Variants in WWC2 observed in about 807,000 individuals in gnomAD.
WWC2 encodes the protein protein WWC2.
Under a neutral mutation model 138.5 loss-of-function variants are expected in WWC2, and 101 were observed. That is an observed-to-expected ratio of 0.73 (90% confidence interval 0.62 to 0.86). The LOEUF is 0.86. Among genes scored for constraint, WWC2 ranks in the 40% least tolerant of loss-of-function variants. The pLI is 0.00. For missense variants in WWC2, 1,420 were observed against 1,419.4 expected (o/e 1.00, Z -0.01); for synonymous variants, 558 against 538.4 (o/e 1.04, Z -0.50).
At chr4:183,197,154 C>CA (rs1174045531) in intron 2 of WWC2, among the ~76,000 whole-genome samples, 2 of 151,998 alleles carry the variant, frequency 1.3e-5, no homozygotes, top group Admixed American at 6.6e-5. Flanking sequence ...AATTATGTGT[C>CA]AAAAAACACC....
Position 183,208,099 on chromosome 4 carries a change from G to T in WWC2, c.388G>T (p.Asp130Tyr). The T allele has an allele frequency of 6.2e-7, 1 of 1,613,824 alleles. No homozygotes were observed. The highest frequency in any genetic ancestry group is 1.1e-5 in the South Asian group (1 of 91,072). ...GGAGCAGAGGCTGGCGCTGGCCCTGGATGAATACGTGCGATTAAATGATGC... is the reference window on the plus strand; with the variant it reads ...GGAGCAGAGGCTGGCGCTGGCCCTGTATGAATACGTGCGATTAAATGATGC... ...VKEQRLALALDEYVRLNDAYK... is the reference protein window; with the variant it reads ...VKEQRLALALYEYVRLNDAYK... Residue 130 changes from aspartate to tyrosine, a missense_variant, in exon 3 of 23, where the codon GAT becomes TAT. Transcript: ENST00000403733.
intron 4 of WWC2, among the ~76,000 whole-genome samples, chr4:183,230,246 G>A (rs968517175): frequency 6.6e-6 from 1 of 152,028 alleles, no homozygotes; most frequent in Non-Finnish European, 1.5e-5. Flanking sequence ...TTAGTTAATA[G>A]TATAGAATGA....
chr4:183,155,452 T>A (rs566214563), intron 1 of WWC2, among the ~76,000 whole-genome samples: 3 of 152,252 alleles, frequency 2.0e-5, no homozygotes, highest in South Asian at 4.1e-4. Context: ...AAATATCTTT[T>A]GAAGGGTTTT....
chr4:183,132,476 C>T (rs1406131338), intron 1 of WWC2, among the ~76,000 whole-genome samples: 2 of 147,296 alleles, frequency 1.4e-5, no homozygotes, highest in Admixed American at 6.8e-5. Context: ...TTTTTTGAGA[C>T]GGAGTCTCGC....
rs1739485553 is a variant in WWC2 at position 183,317,642 on chromosome 4, C to CA, written c.*1913_*1914insA. 1 of 152,486 alleles carries CA rather than the reference C, an allele frequency of 6.6e-6. No homozygotes were observed. Among genetic ancestry groups the CA allele is most frequent in the African/African-American group, 2.4e-5 (1 of 41,394 alleles). 9.4% of individuals were successfully genotyped at this position (152,486 alleles called of 1,614,324 possible). A position where few individuals can be genotyped will look rare whatever the true frequency, so the allele number is the denominator to read the frequency against. On this transcript the variant is annotated 3_prime_UTR_variant, in exon 23 of 23. Transcript: ENST00000403733. ...TAGTTGTTCCGTACGATTTTATTTT[C>CA]TTCATTTATTTATTTACAGTCTTAT... is the stretch of plus-strand genomic sequence containing the variant.
intron 1 of WWC2, among the ~76,000 whole-genome samples, chr4:183,157,159 TC>T (rs1276148552): frequency 1.3e-5 from 2 of 152,196 alleles, no homozygotes; most frequent in African/African-American, 4.8e-5. Flanking sequence ...GTCTTTTTGT[TC>T]CCCTTTAATC....
intron 5 of WWC2, among the ~76,000 whole-genome samples, chr4:183,242,903 A>T (rs1394346782): frequency 6.6e-6 from 1 of 152,220 alleles, no homozygotes; most frequent in Non-Finnish European, 1.5e-5. Context: ...AAAGGTGGGA[A>T]ATGAAAAGTG....
intron 1 of WWC2, among the ~76,000 whole-genome samples, chr4:183,152,054 C>T (rs1335726204): frequency 6.6e-6 from 1 of 152,184 alleles, no homozygotes; most frequent in East Asian, 1.9e-4. Flanking sequence ...TGTGGAGAAA[C>T]ATTGCTTGTC....
chr4:183,180,392 T>C (rs1734593360), intron 1 of WWC2, among the ~76,000 whole-genome samples: 1 of 152,314 alleles, frequency 6.6e-6, no homozygotes, highest in Non-Finnish European at 1.5e-5. Context: ...TGACGTTTCT[T>C]TCTTCTTAGA....
At chr4:183,286,285 G>T (rs552036187) in intron 20 of WWC2, among the ~76,000 whole-genome samples, 1 of 152,148 alleles carries the variant, frequency 6.6e-6, no homozygotes, top group South Asian at 2.1e-4. Context: ...GATGGTTAAG[G>T]CTGGAAATGC....
At chr4:183,289,789 C>CTT in intron 21 of WWC2, among the ~76,000 whole-genome samples, 154 bp downstream of exon 21, 1 of 140,456 alleles carries the variant, frequency 7.1e-6, no homozygotes, top group East Asian at 2.0e-4. Flanking sequence ...GTTATAGGCC[C>CTT]TTTTTTTTTT....
intron 1 of WWC2, among the ~76,000 whole-genome samples, chr4:183,188,580 T>TTCTATCTAATATGATCTCTCCCTC: frequency 6.6e-6 from 1 of 151,858 alleles, no homozygotes. Context: ...TTTCTAGAAA[T>TTCTATCTAATATGATCTCTCCCTC]TCTATCTAAT....
chr4:183,207,679 A>G (rs901332062), intron 2 of WWC2, among the ~76,000 whole-genome samples: 1 of 152,142 alleles, frequency 6.6e-6, no homozygotes, highest in Admixed American at 6.6e-5. Context: ...TTCTGTAGGC[A>G]CTGGGGAGCC....
intron 21 of WWC2, among the ~76,000 whole-genome samples, chr4:183,290,952 G>A (rs1738431217): frequency 6.6e-6 from 1 of 152,182 alleles, no homozygotes; most frequent in South Asian, 2.1e-4. Flanking sequence ...TGAATTTCAA[G>A]AATCAAACTG....
chr4:183,316,723 A>G lies in WWC2; in HGVS notation c.*994A>G, dbSNP rs1186084888. 6.6e-6 allele frequency: 1 copy of G among 152,206 alleles called. No individual in the cohort carries two copies. Among genetic ancestry groups the G allele is most frequent in the Non-Finnish European group, 1.5e-5 (1 of 68,050 alleles). 9.4% of individuals were successfully genotyped at this position (152,206 alleles called of 1,614,324 possible). A position where few individuals can be genotyped will look rare whatever the true frequency, so the allele number is the denominator to read the frequency against. ...TGATAGAATCAAAGTTGCCAAAAAC[A>G]AAGAAGAGTTTATCAAGCAGATTTC... On this transcript the variant is annotated 3_prime_UTR_variant, in exon 23 of 23. Transcript: ENST00000403733.
chr4:183,107,928 C>T (rs1007593716), intron 1 of WWC2, among the ~76,000 whole-genome samples: 3 of 151,830 alleles, frequency 2.0e-5, no homozygotes, highest in African/African-American at 7.3e-5. Context: ...CTCTATATTC[C>T]TATATTTCAG....
intron 2 of WWC2, among the ~76,000 whole-genome samples, chr4:183,203,102 G>A (rs1580053638): frequency 6.6e-6 from 1 of 151,676 alleles, no homozygotes; most frequent in East Asian, 1.9e-4. Flanking sequence ...TTAACTACTG[G>A]GATATTACAT....
At chr4:183,285,876 C>T (rs945067801) in intron 19 of WWC2, 91 bp from the exon 20 acceptor site, 3 of 1,182,862 alleles carry the variant, frequency 2.5e-6, no homozygotes, top group Non-Finnish European at 3.7e-6. Context: ...CTATGACTAC[C>T]TGCTTTACTT....
intron 1 of WWC2, among the ~76,000 whole-genome samples, chr4:183,173,301 C>T (rs1397890705): frequency 2.0e-5 from 3 of 152,146 alleles, no homozygotes; most frequent in African/African-American, 2.4e-5. Flanking sequence ...ATCTTCCTGC[C>T]TTGGCCTCCC....
Sources: gnomAD v4.1 joint callset for allele counts (sites outside exome capture counted in the v4.1 genomes callset) on GRCh38, gnomAD v4.1.1 for gene constraint, MANE v1.5 for transcripts, NCBI Gene and HGNC (gene_info 2026-07-23, HGNC 2026-07-21) for gene names.